Variants in RAB22A observed in about 807,000 individuals in gnomAD.
The protein encoded by RAB22A is RAB22A, member RAS oncogene family.
A neutral mutation model predicts 30.2 loss-of-function variants in RAB22A; 13 were observed. That is an observed-to-expected ratio of 0.43 (90% CI 0.28 to 0.68). RAB22A has a LOEUF of 0.68. Ranked by LOEUF, RAB22A falls within the 30% of genes least tolerant of loss-of-function variation. The pLI is 0.18. For missense variants in RAB22A, 177 were observed against 246.8 expected, an observed-to-expected ratio of 0.72 and a Z score of 1.89; for synonymous variants, 89 against 87.2, an observed-to-expected ratio of 1.02 and a Z score of -0.11.
At chr20:58,333,862 G>C (rs1180937729) in intron 2 of RAB22A, among the ~76,000 whole-genome samples, 1 of 152,142 alleles carries the variant, frequency 6.6e-6, no homozygotes, top group African/African-American at 2.4e-5. Context: ...TTCAAGACCA[G>C]CTTGGGTGGC....
At chr20:58,323,678 C>T (rs779107305) in intron 2 of RAB22A, among the ~76,000 whole-genome samples, 15 of 121,834 alleles carry the variant, frequency 1.2e-4, no homozygotes, top group Non-Finnish European at 2.0e-4. Flanking sequence ...CTATGTTGTT[C>T]GGGATAGATT....
intron 2 of RAB22A, 95 bp downstream of exon 2, chr20:58,311,217 C>A: frequency 8.6e-7 from 1 of 1,158,942 alleles, no homozygotes; most frequent in South Asian, 1.2e-5. Flanking sequence ...GCTTTGTAGT[C>A]ATTGAATTCT....
At chr20:58,348,173 G>T (rs1002261564) in intron 3 of RAB22A, among the ~76,000 whole-genome samples, 3 of 152,104 alleles carry the variant, frequency 2.0e-5, no homozygotes, top group African/African-American at 7.2e-5. Flanking sequence ...GTTGCAGTGA[G>T]CCGAGATCGC....
chr20:58,345,232 C>T (rs2122960866), intron 3 of RAB22A, among the ~76,000 whole-genome samples: 1 of 152,190 alleles, frequency 6.6e-6, no homozygotes, highest in African/African-American at 2.4e-5. Context: ...ATATAGATTC[C>T]ATTATGCTTT....
intron 3 of RAB22A, 91 bp from the exon 4 acceptor site, chr20:58,353,182 T>G: frequency 1.7e-6 from 2 of 1,184,264 alleles, no homozygotes; most frequent in Non-Finnish European, 2.4e-6. Context: ...AAAGATTACT[T>G]TTTGTGCAGG....
chr20:58,349,809 G>T (rs1055758937), intron 3 of RAB22A, among the ~76,000 whole-genome samples: 2 of 152,184 alleles, frequency 1.3e-5, no homozygotes, highest in Non-Finnish European at 1.5e-5. Context: ...CGTCTACAGT[G>T]CATCATCCAC....
At chr20:58,336,312 G>A (rs567413525) in intron 2 of RAB22A, among the ~76,000 whole-genome samples, 47 of 148,932 alleles carry the variant, frequency 3.2e-4, no homozygotes, top group African/African-American at 1.0e-3. Context: ...GCGCCCGGCC[G>A]CTGGTTTTTT....
chr20:58,339,101 C>G (rs1421281139), intron 2 of RAB22A, among the ~76,000 whole-genome samples: 1 of 152,124 alleles, frequency 6.6e-6, no homozygotes, highest in Admixed American at 6.5e-5. Context: ...TTTAAAATAC[C>G]TTGCAACAAG....
intron 2 of RAB22A, among the ~76,000 whole-genome samples, chr20:58,323,120 A>G (rs1568865554): frequency 1.3e-5 from 2 of 152,220 alleles, no homozygotes; most frequent in South Asian, 2.1e-4. Flanking sequence ...ACTCTTTCAT[A>G]TATATTAGGA....
At chr20:58,314,004 A>G (rs1986284502) in intron 2 of RAB22A, among the ~76,000 whole-genome samples, 1 of 151,784 alleles carries the variant, frequency 6.6e-6, no homozygotes, top group Admixed American at 6.6e-5. Flanking sequence ...GACCTTACCT[A>G]CAAGAAGCTA....
At chr20:58,310,040 G>A in intron 1 of RAB22A, 28 bp downstream of exon 1, 1 of 1,263,548 alleles carries the variant, frequency 7.9e-7, no homozygotes, top group Non-Finnish European at 1.0e-6. Flanking sequence ...CGGCCGGGAG[G>A]GCCACGGGAG....
At chr20:58,354,650 G>A (rs142909170) in intron 6 of RAB22A, among the ~76,000 whole-genome samples, 374 of 152,262 alleles carry the variant, frequency 2.5e-3, no homozygotes, top group African/African-American at 8.4e-3. Context: ...ATAATACTAG[G>A]CAAGTGAAAG....
chr20:58,348,683 G>A (rs2122963841), intron 3 of RAB22A, among the ~76,000 whole-genome samples: 1 of 152,240 alleles, frequency 6.6e-6, no homozygotes. Context: ...ATGCTTGTTT[G>A]TTTATTATCT....
chr20:58,333,466 A>G (rs1487523692), intron 2 of RAB22A, among the ~76,000 whole-genome samples: 1 of 152,204 alleles, frequency 6.6e-6, no homozygotes, highest in Non-Finnish European at 1.5e-5. Flanking sequence ...AAGAAATATT[A>G]ACAGGAGCCT....
chr20:58,366,358 G>A lies in RAB22A; in HGVS notation c.*6655G>A, dbSNP rs1987316836. 6.6e-6 allele frequency: 1 copy of A among 152,162 alleles called. No individual in the cohort carries two copies. The highest frequency in any genetic ancestry group is 1.5e-5 in the Non-Finnish European group (1 of 68,030). 9.4% of individuals were successfully genotyped at this position (152,162 alleles called of 1,614,324 possible). A position where few individuals can be genotyped will look rare whatever the true frequency, so the allele number is the denominator to read the frequency against. On this transcript the variant is annotated 3_prime_UTR_variant, in exon 7 of 7. Coordinates refer to ENST00000244040, the MANE Select transcript of RAB22A (RefSeq NM_020673.3). ...GTTGGGGATGAACAGAAGTTGATTA[G>A]TGGGCACAGAAATACAGTTAGATAG...
chr20:58,315,078 G>GGCA (rs1986308672), intron 2 of RAB22A, among the ~76,000 whole-genome samples: 1 of 152,012 alleles, frequency 6.6e-6, no homozygotes, highest in Non-Finnish European at 1.5e-5. Context: ...CAGTCCACAG[G>GGCA]GCCCTGGAGT....
At chr20:58,354,296 C>A in intron 6 of RAB22A, 31 bp downstream of exon 6, 1 of 1,468,022 alleles carries the variant, frequency 6.8e-7, no homozygotes, top group South Asian at 1.2e-5. Context: ...TCCATTTCCT[C>A]TGTAAAAGCC....
intron 3 of RAB22A, among the ~76,000 whole-genome samples, chr20:58,351,749 G>A (rs1336193714): frequency 2.0e-5 from 3 of 152,184 alleles, no homozygotes; most frequent in Non-Finnish European, 4.4e-5. Flanking sequence ...GGAGGCGGAG[G>A]CTGCGGTGAG....
intron 2 of RAB22A, among the ~76,000 whole-genome samples, chr20:58,324,947 G>A (rs1312735602): frequency 2.9e-5 from 3 of 101,772 alleles, no homozygotes; most frequent in South Asian, 8.4e-4. Flanking sequence ...AGGCCAAGGC[G>A]GGCAGATCAC....
Sources: gnomAD v4.1 joint callset for allele counts (sites outside exome capture counted in the v4.1 genomes callset) on GRCh38, gnomAD v4.1.1 for gene constraint, MANE v1.5 for transcripts, NCBI Gene and HGNC (gene_info 2026-07-23, HGNC 2026-07-21) for gene names.